Variants in PAPPA observed in about 807,000 individuals in gnomAD.
PAPPA encodes the protein pappalysin-1.
PAPPA carries 60 observed loss-of-function variants against 164.0 expected under a neutral mutation model. The observed-to-expected ratio is 0.37, with a 90% CI of 0.30 to 0.45. PAPPA has a LOEUF of 0.45. Among genes scored for constraint, PAPPA ranks in the 20% least tolerant of loss-of-function variants. PAPPA has a pLI of 1.00. For missense variants in PAPPA, 1,782 were observed against 2,087.3 expected, an observed-to-expected ratio of 0.85 and a Z score of 2.85; for synonymous variants, 875 against 814.1, an observed-to-expected ratio of 1.07 and a Z score of -1.27.
At chr9:116,298,606 CA>C (rs1845539562) in intron 9 of PAPPA, among the ~76,000 whole-genome samples, 1 of 152,184 alleles carries the variant, frequency 6.6e-6, no homozygotes, top group Non-Finnish European at 1.5e-5. Flanking sequence ...AGAAAATAGT[CA>C]AAGGGTACAG....
intron 7 of PAPPA, among the ~76,000 whole-genome samples, chr9:116,254,781 CAAAAAAAAA>C (rs143327103): frequency 1.5e-4 from 9 of 60,360 alleles, no homozygotes; most frequent in Admixed American, 8.9e-4. Flanking sequence ...GACTCCGTCT[CAAAAAAAAA>C]AAAAAAAAAA....
At chr9:116,309,132 G>A (rs1845683918) in intron 10 of PAPPA, among the ~76,000 whole-genome samples, 1 of 151,742 alleles carries the variant, frequency 6.6e-6, no homozygotes, top group Admixed American at 6.6e-5. Context: ...CTGAAGTGCG[G>A]TGGCACAATC....
At chr9:116,156,578 G>GA (rs749127400) in intron 1 of PAPPA, among the ~76,000 whole-genome samples, 85 of 151,626 alleles carry the variant, frequency 5.6e-4, no homozygotes, top group Non-Finnish European at 1.0e-3. Context: ...CTCTCAAAAC[G>GA]AAAAAAATAA....
chr9:116,193,148 TGA>T, intron 2 of PAPPA, among the ~76,000 whole-genome samples: 1 of 152,158 alleles, frequency 6.6e-6, no homozygotes, highest in Non-Finnish European at 1.5e-5. Flanking sequence ...ATTATTTTTT[TGA>T]ATGTAACAAG....
chr9:116,176,703 A>G (rs1288074530), intron 1 of PAPPA, among the ~76,000 whole-genome samples: 2 of 152,208 alleles, frequency 1.3e-5, no homozygotes, highest in Non-Finnish European at 1.5e-5. Context: ...CATTCATTCA[A>G]TTAGAGTCTG....
intron 9 of PAPPA, among the ~76,000 whole-genome samples, chr9:116,278,654 G>GT (rs144418063): frequency 0.025 from 3,670 of 148,726 alleles, 113 homozygotes; most frequent in African/African-American, 0.071. Context: ...TAGCCAAATC[G>GT]TTTTTTTTTT....
At chr9:116,237,077 A>G (rs917922471) in intron 7 of PAPPA, among the ~76,000 whole-genome samples, 3 of 152,242 alleles carry the variant, frequency 2.0e-5, no homozygotes, top group African/African-American at 7.2e-5. Context: ...CTACTTGAAA[A>G]TATTCACTAA....
Position 116,271,190 on chromosome 9 carries a change from A to G in PAPPA, c.2862-135A>G. On this transcript the variant is annotated intron_variant, in intron 8 of 21. Coordinates refer to ENST00000328252, the MANE Select transcript of PAPPA (RefSeq NM_002581.5). The surrounding 1 kb of genome is among the most constrained non-coding windows in gnomAD (Gnocchi z 4.2). ...AGAAATCTCATTTTGAAGATGAAGA[A>G]GCAGAGACTCAGACAGAGAAAGGGA... 1.6e-6 allele frequency: 1 copy of G among 643,552 alleles called. No individual in the cohort carries two copies. 39.9% of individuals were successfully genotyped at this position (643,552 alleles called of 1,614,324 possible).
chr9:116,271,419 A>T lies in PAPPA; in HGVS notation c.2953+3A>T. On this transcript the variant is annotated splice_donor_region_variant and intron_variant, in intron 9 of 21. Transcript: ENST00000328252. This position sits in a 1 kb window ranked among gnomAD's most constrained non-coding sequence, Gnocchi z 4.2. ...AGAAGTCTCCTTCAATTGTATTGGT[A>T]CGTCTTTTTCATTTCTTGTGGCCTT... 6.2e-7 allele frequency: 1 copy of T among 1,602,632 alleles called. No individual in the cohort carries two copies. Among genetic ancestry groups the T allele is most frequent in the Admixed American group, 1.7e-5 (1 of 60,020 alleles).
chr9:116,321,961 G>A (rs761958216), intron 10 of PAPPA, among the ~76,000 whole-genome samples: 3 of 152,196 alleles, frequency 2.0e-5, no homozygotes, highest in Non-Finnish European at 4.4e-5. Flanking sequence ...CAGACTTTGC[G>A]TCAGACGAGC....
At chr9:116,155,192 C>T (rs576016952) in intron 1 of PAPPA, among the ~76,000 whole-genome samples, 3 of 152,294 alleles carry the variant, frequency 2.0e-5, no homozygotes, top group South Asian at 2.1e-4. Flanking sequence ...TTGCCTGTCA[C>T]TCGGGGCTGG....
chr9:116,302,808 TTGAACAAAAAACCAG>T lies in PAPPA; in HGVS notation c.3006_3020del (p.Glu1003_Ser1007del). The T allele has an allele frequency of 6.2e-7, 1 of 1,614,010 alleles. No homozygotes were observed. Among genetic ancestry groups the T allele is most frequent in the Non-Finnish European group, 8.5e-7 (1 of 1,179,946 alleles). ...GATGGTGATGGGGTATGTGAGGAGTTTGAACAAAAAACCAGCATTAAGGACTGTGGTGTCTACACG... is the reference window on the plus strand; with the variant it reads ...GATGGTGATGGGGTATGTGAGGAGTTCATTAAGGACTGTGGTGTCTACACG... On this transcript the variant is annotated inframe_deletion, in exon 10 of 22. Coordinates refer to ENST00000328252, the MANE Select transcript of PAPPA (RefSeq NM_002581.5).
At chr9:116,390,256 G>C (rs1184341514) in intron 21 of PAPPA, among the ~76,000 whole-genome samples, 1 of 152,126 alleles carries the variant, frequency 6.6e-6, no homozygotes, top group Non-Finnish European at 1.5e-5. Flanking sequence ...GGTCCAGAAG[G>C]TATTTCCCAG....
chr9:116,163,556 A>G (rs750686035), intron 1 of PAPPA, among the ~76,000 whole-genome samples: 2 of 152,182 alleles, frequency 1.3e-5, no homozygotes, highest in Non-Finnish European at 2.9e-5. Context: ...TATTTGCACT[A>G]AAGACACTTC....
At chr9:116,282,393 G>A (rs1456797493) in intron 9 of PAPPA, among the ~76,000 whole-genome samples, 1 of 152,138 alleles carries the variant, frequency 6.6e-6, no homozygotes, top group Non-Finnish European at 1.5e-5. Flanking sequence ...AATATGGAGG[G>A]CCAACTGCAT....
At chr9:116,343,483 G>A (rs1169837570) in intron 13 of PAPPA, among the ~76,000 whole-genome samples, 2 of 152,138 alleles carry the variant, frequency 1.3e-5, no homozygotes, top group African/African-American at 4.8e-5. Flanking sequence ...CCTAAAGAAC[G>A]GGTGGAATTC....
At chr9:116,226,135 C>T (rs957318677) in intron 5 of PAPPA, among the ~76,000 whole-genome samples, 7 of 152,122 alleles carry the variant, frequency 4.6e-5, no homozygotes, top group African/African-American at 7.2e-5. Flanking sequence ...GTAGACAGAG[C>T]TTATCATGGA....
intron 7 of PAPPA, among the ~76,000 whole-genome samples, chr9:116,244,892 A>G (rs945233740): frequency 2.0e-5 from 3 of 152,192 alleles, no homozygotes; most frequent in African/African-American, 7.2e-5. Flanking sequence ...CACAATTGCA[A>G]AGATATGGAA....
At chr9:116,210,552 T>C (rs540255160) in intron 3 of PAPPA, among the ~76,000 whole-genome samples, 1 of 152,198 alleles carries the variant, frequency 6.6e-6, no homozygotes, top group Non-Finnish European at 1.5e-5. Flanking sequence ...TTAAACATTT[T>C]AAAATTTTAA....
Sources: allele counts gnomAD v4.1 joint callset (sites outside exome capture counted in the v4.1 genomes callset), GRCh38; gene constraint gnomAD v4.1.1; non-coding constraint Gnocchi (gnomAD v3.1); transcripts MANE v1.5; gene names NCBI Gene and HGNC (gene_info 2026-07-23, HGNC 2026-07-21).